Variants in EPN1 observed in about 807,000 individuals in gnomAD.
EPN1 encodes epsin-1.
EPN1 carries 25 observed loss-of-function variants against 56.9 expected under a neutral mutation model. The observed-to-expected ratio is 0.44, with a 90% CI of 0.32 to 0.61. The LOEUF is 0.61. Ranked by LOEUF, EPN1 falls within the 20% of genes least tolerant of loss-of-function variation. The pLI is 0.05. For missense variants in EPN1, 785 were observed against 823.7 expected (o/e 0.95, Z 0.58); for synonymous variants, 411 against 361.8 (o/e 1.14, Z -1.54).
At chr19:55,683,719 C>G (rs1257855030) in intron 2 of EPN1, among the ~76,000 whole-genome samples, 2 of 152,216 alleles carry the variant, frequency 1.3e-5, no homozygotes, top group African/African-American at 4.8e-5. Context: ...TTGATGTATG[C>G]ATTTCACTGT....
rs1986588011 is a variant in EPN1 at position 55,691,993 on chromosome 19, G to T, written c.1002G>T (p.Trp334Cys). 2.0e-6 allele frequency: 3 copies of T among 1,489,210 alleles called. No homozygotes were observed. Among genetic ancestry groups the T allele is most frequent in the Non-Finnish European group, 2.7e-6 (3 of 1,127,012 alleles). The allele number at this position is 1,489,210 out of a possible 1,614,324, so 92.2% of individuals were successfully genotyped here. Residue 334 changes from tryptophan (W) to cysteine (C), a missense_variant, in exon 7 of 11, where the codon TGG becomes TGT. Coordinates refer to ENST00000270460, the MANE Select transcript of EPN1 (RefSeq NM_001130072.2). The surrounding 1 kb of genome is among the most constrained non-coding windows in gnomAD (Gnocchi z 5.6). The part of the protein sequence containing the change: ...AAPAGPSVDP[W>C]GGTPAPAAGE... ...CTGCAGGACCCTCAGTTGACCCTTG[G>T]GGTGGGACCCCAGCCCCTGCAGCTG...
Position 55,704,507 on chromosome 19 carries a change from A to T in EPN1, c.*9151A>T, listed in dbSNP as rs952329822. The T allele has an allele frequency of 6.6e-6, 1 of 152,178 alleles. No individual in the cohort carries two copies. The highest frequency in any genetic ancestry group is 1.5e-5 in the Non-Finnish European group (1 of 68,046). 9.4% of individuals were successfully genotyped at this position (152,178 alleles called of 1,614,324 possible). On this transcript the variant is annotated 3_prime_UTR_variant, in exon 11 of 11. Transcript: ENST00000270460. ...AGGAGAGAGGCCTTGGCGGAAGCCA[A>T]CCCTGCAGCACCTTCATCTTGAATT...
chr19:55,682,991 G>C (rs1457499866), intron 2 of EPN1, among the ~76,000 whole-genome samples: 1 of 151,882 alleles, frequency 6.6e-6, no homozygotes, highest in African/African-American at 2.4e-5. Context: ...TTCTGACCTC[G>C]TGATCCGCCC....
intron 1 of EPN1, among the ~76,000 whole-genome samples, chr19:55,677,957 T>C (rs1213456534): frequency 6.6e-6 from 1 of 152,228 alleles, no homozygotes; most frequent in Non-Finnish European, 1.5e-5. Context: ...TCTGCCCCCA[T>C]GGGGCCTGTG....
intron 2 of EPN1, among the ~76,000 whole-genome samples, chr19:55,681,896 T>G (rs922789661): frequency 2.4e-4 from 37 of 152,138 alleles, no homozygotes; most frequent in Admixed American, 2.4e-3. Context: ...AGCCTTGACC[T>G]CCTGGGCTCC....
chr19:55,696,665 G>C lies in EPN1; in HGVS notation c.*1309G>C, dbSNP rs1364225787. ...GCTACATCACAGGGACACTTGTTAT[G>C]GGTCGGGGTCCAGGGAGCACCCAGC... On this transcript the variant is annotated 3_prime_UTR_variant, in exon 11 of 11. Coordinates refer to ENST00000270460, the MANE Select transcript of EPN1 (RefSeq NM_001130072.2). 1 of 152,326 alleles carries C rather than the reference G, an allele frequency of 6.6e-6. No individual in the cohort carries two copies. The highest frequency in any genetic ancestry group is 1.5e-5 in the Non-Finnish European group (1 of 68,166). 9.4% of individuals were successfully genotyped at this position (152,326 alleles called of 1,614,324 possible). A position where few individuals can be genotyped will look rare whatever the true frequency, so the allele number is the denominator to read the frequency against.
chr19:55,682,728 C>G (rs140100359), intron 2 of EPN1, among the ~76,000 whole-genome samples: 4 of 151,722 alleles, frequency 2.6e-5, no homozygotes, highest in Non-Finnish European at 5.9e-5. Flanking sequence ...CCACTGCACC[C>G]GATTTTATAT....
rs1986902779 is a variant in EPN1 at position 55,696,196 on chromosome 19, C to T, written c.*840C>T. 1 of 152,516 alleles carries T rather than the reference C, an allele frequency of 6.6e-6. No individual in the cohort carries two copies. The highest frequency in any genetic ancestry group is 2.4e-5 in the African/African-American group (1 of 41,588). 9.4% of individuals were successfully genotyped at this position (152,516 alleles called of 1,614,324 possible). On this transcript the variant is annotated 3_prime_UTR_variant, in exon 11 of 11. Transcript: ENST00000270460. ...TCCCTGCACTCCTGGAAAGCCGGGT[C>T]AGCCTCTGCCGGCTGAGCTGAGTGG...
rs1021110738 is a variant in EPN1, at chr19:55,697,680, G to A, written c.*2324G>A. On this transcript the variant is annotated 3_prime_UTR_variant, in exon 11 of 11. Transcript: ENST00000270460. ...ATTACAAAGTAGCACCACAGATCTCGTGTCTCCTACTTTATTCCTCTTTCT... is the reference window on the plus strand; with the variant it reads ...ATTACAAAGTAGCACCACAGATCTCATGTCTCCTACTTTATTCCTCTTTCT... 2.0e-5 allele frequency: 3 copies of A among 152,090 alleles called. No homozygotes were observed. The highest frequency in any genetic ancestry group is 6.6e-5 in the Admixed American group (1 of 15,242). The allele number at this position is 152,090 out of a possible 1,614,324, so 9.4% of individuals were successfully genotyped here.
At chr19:55,685,701 G>T in intron 3 of EPN1, 56 bp downstream of exon 3, 2 of 1,537,706 alleles carry the variant, frequency 1.3e-6, no homozygotes, top group Non-Finnish European at 1.7e-6. Context: ...GCCTACTGCG[G>T]CTCCCGGCAC....
Position 55,695,190 on chromosome 19 carries a change from C to G in EPN1, c.1565C>G (p.Pro522Arg). 6.2e-7 allele frequency: 1 copy of G among 1,613,712 alleles called. No individual in the cohort carries two copies. Among genetic ancestry groups the G allele is most frequent in the East Asian group, 2.2e-5 (1 of 44,860 alleles). Residue 522 changes from proline to arginine, a missense_variant, in exon 11 of 11, where the codon CCC becomes CGC. Physicochemically the swap from Pro to Arg is moderately radical, Grantham distance 103 (BLOSUM62 -2). Around this residue, in one of 2 missense-constraint regions of EPN1, gnomAD observed 650 missense variants for 605.0 expected, o/e 1.07. Transcript: ENST00000270460. This position sits in a 1 kb window ranked among gnomAD's most constrained non-coding sequence, Gnocchi z 4.4. ...TGPSVTNPFQ[P>R]APPATLTLNQ... ...CCTTCCGTCACCAACCCCTTCCAGC[C>G]CGCGCCTCCCGCGACGCTCACCCTG...
chr19:55,709,134 T>C lies in EPN1; in HGVS notation c.*13778T>C. 1 of 849,138 alleles carries C rather than the reference T, an allele frequency of 1.2e-6. No homozygotes were observed. The allele number at this position is 849,138 out of a possible 1,614,324, so 52.6% of individuals were successfully genotyped here. Reference sequence around the variant, plus strand: ...ATTCTGATGTCTACCTCTCCTCTCCTCTTTATTCTTTCCTAGAAATCACTG... The same window carrying C: ...ATTCTGATGTCTACCTCTCCTCTCCCCTTTATTCTTTCCTAGAAATCACTG... On this transcript the variant is annotated 3_prime_UTR_variant, in exon 11 of 11. Coordinates refer to ENST00000270460, the MANE Select transcript of EPN1 (RefSeq NM_001130072.2).
intron 3 of EPN1, among the ~76,000 whole-genome samples, chr19:55,687,835 G>A (rs904876213): frequency 1.3e-5 from 2 of 152,178 alleles, no homozygotes; most frequent in Non-Finnish European, 2.9e-5. Flanking sequence ...GCCCTGCTGG[G>A]CACACCACAC....
chr19:55,693,095 G>T, intron 9 of EPN1, 58 bp downstream of exon 9: 2 of 1,539,334 alleles, frequency 1.3e-6, no homozygotes, highest in Non-Finnish European at 1.8e-6. Context: ...AGCTCTTCGG[G>T]AGCCCCGTCC....
chr19:55,690,217 G>T (rs1986450231), intron 6 of EPN1, among the ~76,000 whole-genome samples: 1 of 152,242 alleles, frequency 6.6e-6, no homozygotes, highest in Non-Finnish European at 1.5e-5. Context: ...GGCCACCACC[G>T]GCCGCCACAG....
intron 2 of EPN1, among the ~76,000 whole-genome samples, chr19:55,683,200 C>T (rs111688910): frequency 0.017 from 2,556 of 148,316 alleles, 31 homozygotes; most frequent in Non-Finnish European, 0.026. Flanking sequence ...GGATTACAGG[C>T]GCATGCCACA....
rs1987103455 is a variant in EPN1 at position 55,700,715 on chromosome 19, G to A, written c.*5359G>A. The stretch of plus-strand genomic sequence containing the variant: ...ACAGCCTCCTCATGGCCCCTCCCCT[G>A]GAGCACTTAAAAATGGTAATGACAT... On this transcript the variant is annotated 3_prime_UTR_variant, in exon 11 of 11. Coordinates refer to ENST00000270460, the MANE Select transcript of EPN1 (RefSeq NM_001130072.2). 6.6e-6 allele frequency: 1 copy of A among 152,188 alleles called. No homozygotes were observed. The highest frequency in any genetic ancestry group is 6.5e-5 in the Admixed American group (1 of 15,270). 9.4% of individuals were successfully genotyped at this position (152,188 alleles called of 1,614,324 possible). A position where few individuals can be genotyped will look rare whatever the true frequency, so the allele number is the denominator to read the frequency against.
At position 55,709,078 on chromosome 19, in the gene EPN1, T is replaced by A. The variant is rs2287831; in HGVS notation, c.*13722T>A. ...ATAGAAATAAAGTTTTTTTTTTTGT[T>A]TTTCATTTTTACACAGTATTGCCTC... On this transcript the variant is annotated 3_prime_UTR_variant, in exon 11 of 11. Transcript: ENST00000270460. 1 of 1,524,618 alleles carries A rather than the reference T, an allele frequency of 6.6e-7. No individual in the cohort carries two copies. Among genetic ancestry groups the A allele is most frequent in the Admixed American group, 2.4e-5 (1 of 41,780 alleles). The allele number at this position is 1,524,618 out of a possible 1,614,324, so 94.4% of individuals were successfully genotyped here.
Position 55,692,984 on chromosome 19 carries a change from T to C in EPN1, c.1211T>C (p.Phe404Ser), listed in dbSNP as rs199755111. ...AGGFDTEPDE[F>S]SDFDRLRTAL... is the part of the protein sequence containing the mutation. The stretch of plus-strand genomic sequence containing the variant: ...GGATTCGACACGGAGCCCGACGAGT[T>C]CTCTGACTTTGACCGACTCCGCACG... The change falls in exon 9 of 11, where the codon TTC (phenylalanine) becomes TCC (serine). Residue 404 changes from phenylalanine (F) to serine (S), a missense_variant. Physicochemically the swap from Phe to Ser is radical, Grantham distance 155. Around this residue, in one of 2 missense-constraint regions of EPN1, gnomAD observed 650 missense variants for 605.0 expected, o/e 1.07. Coordinates refer to ENST00000270460, the MANE Select transcript of EPN1 (RefSeq NM_001130072.2). The C allele has an allele frequency of 1.2e-6, 2 of 1,613,406 alleles. No individual in the cohort carries two copies. Among genetic ancestry groups the C allele is most frequent in the Non-Finnish European group, 1.7e-6 (2 of 1,179,670 alleles).
Sources: allele counts gnomAD v4.1 joint callset (sites outside exome capture counted in the v4.1 genomes callset), GRCh38; gene constraint gnomAD v4.1.1; regional missense constraint gnomAD v4.1.1; non-coding constraint Gnocchi (gnomAD v3.1); transcripts MANE v1.5; gene names NCBI Gene and HGNC (gene_info 2026-07-23, HGNC 2026-07-21).